Variants in TRMT9B observed in about 807,000 individuals in gnomAD.
TRMT9B encodes tRNA methyltransferase 9B (putative).
A neutral mutation model predicts 11.5 loss-of-function variants in TRMT9B; 16 were observed. The observed-to-expected ratio is 1.39, with a 90% CI of 0.94 to 2.11. TRMT9B has a LOEUF of 2.11. TRMT9B is among the 30% of genes most tolerant of loss of function. TRMT9B has a pLI of 0.00. For missense variants in TRMT9B, 941 were observed against 553.8 expected (o/e 1.70, Z -7.02); for synonymous variants, 274 against 192.4 (o/e 1.42, Z -3.51).
intron 1 of TRMT9B, among the ~76,000 whole-genome samples, chr8:12,966,806 C>T (rs542626794): frequency 2.6e-5 from 4 of 152,132 alleles, no homozygotes; most frequent in South Asian, 2.1e-4. Context: ...ACCTGAGCTT[C>T]GTAGGGTTTG....
intron 3 of TRMT9B, among the ~76,000 whole-genome samples, chr8:13,009,565 A>T (rs1229231859): frequency 3.9e-5 from 6 of 152,102 alleles, no homozygotes; most frequent in Non-Finnish European, 5.9e-5. Context: ...GATCTTTTTG[A>T]GATGTTTTAT....
rs891454307 is a variant in TRMT9B at position 13,024,875 on chromosome 8, G to A, written c.*2831G>A. 6.0e-6 allele frequency: 1 copy of A among 166,856 alleles called. No individual in the cohort carries two copies. Among genetic ancestry groups the A allele is most frequent in the Non-Finnish European group, 1.5e-5 (1 of 68,102 alleles). 10.3% of individuals were successfully genotyped at this position (166,856 alleles called of 1,614,324 possible). On this transcript the variant is annotated 3_prime_UTR_variant, in exon 5 of 5. Transcript: ENST00000524591. ...TCTCTTTGGGGTAGTCACATGGAAA[G>A]CTCTTTTAAATTTAACTTCCGCCTT... is the stretch of plus-strand genomic sequence containing the variant.
chr8:13,021,611 T>C lies in TRMT9B; in HGVS notation c.932T>C (p.Val311Ala). The C allele has an allele frequency of 1.9e-6, 3 of 1,613,794 alleles. No homozygotes were observed. Among genetic ancestry groups the C allele is most frequent in the Non-Finnish European group, 2.5e-6 (3 of 1,179,818 alleles). ...STKGQSLDEE[V>A]FVESSSGKHL... ...AAAGGGCAAAGTTTAGATGAGGAAG[T>C]GTTTGTGGAATCTTCTTCTGGAAAA... The change falls in exon 5 of 5, where the codon GTG becomes GCG. Residue 311 changes from valine (V) to alanine (A), a missense_variant. Coordinates refer to ENST00000524591, the MANE Select transcript of TRMT9B (RefSeq NM_020844.3).
intron 1 of TRMT9B, among the ~76,000 whole-genome samples, chr8:12,946,898 T>G (rs1800295817): frequency 6.6e-6 from 1 of 152,204 alleles, no homozygotes; most frequent in African/African-American, 2.4e-5. Flanking sequence ...GAGAAGGTCT[T>G]CCAGGTTTCA....
At chr8:12,989,962 C>T (rs1807035612) in intron 1 of TRMT9B, among the ~76,000 whole-genome samples, 1 of 152,158 alleles carries the variant, frequency 6.6e-6, no homozygotes, top group Non-Finnish European at 1.5e-5. Context: ...TTTTCCAAAG[C>T]ACATCCAGAT....
At position 13,021,322 on chromosome 8, in the gene TRMT9B, G is replaced by T. The variant is rs754772745; in HGVS notation, c.643G>T (p.Val215Leu). ...GTGTGGTTCAAAACGGTCCCACAGCGTGGGCTATGAACCTGCTATGGCAAG... is the reference window on the plus strand; with the variant it reads ...GTGTGGTTCAAAACGGTCCCACAGCTTGGGCTATGAACCTGCTATGGCAAG... ...EQCGSKRSHSVGYEPAMARTC... is the reference protein window; with the variant it reads ...EQCGSKRSHSLGYEPAMARTC... Residue 215 changes from valine (V) to leucine (L), a missense_variant, in exon 5 of 5, where the codon GTG (valine) becomes TTG (leucine). Val to Leu is a conservative substitution (Grantham distance 32). Coordinates refer to ENST00000524591, the MANE Select transcript of TRMT9B (RefSeq NM_020844.3). 7 of 1,613,908 alleles carry T rather than the reference G, an allele frequency of 4.3e-6. No homozygotes were observed. In the African/African-American group the frequency reaches 6.7e-5, roughly 15 times the overall value.
chr8:13,002,953 T>C lies in TRMT9B; in HGVS notation c.-1-3249T>C, dbSNP rs567971445. On this transcript the variant is annotated intron_variant, in intron 2 of 4. Coordinates refer to ENST00000524591, the MANE Select transcript of TRMT9B (RefSeq NM_020844.3). ...CCCTCCCTTCCCCAGCTCCTCAGGG[T>C]GATCACTCCCTCTGCTAACCAAAGC... is the stretch of plus-strand genomic sequence containing the variant. Among the ~76,000 whole-genome samples, 7 of 152,116 alleles carry C rather than the reference T, an allele frequency of 4.6e-5. No individual in the cohort carries two copies. In the South Asian group the frequency reaches 1.5e-3, roughly 32 times the overall value.
At chr8:13,013,935 G>C (rs1408305205) in intron 4 of TRMT9B, among the ~76,000 whole-genome samples, 1 of 152,110 alleles carries the variant, frequency 6.6e-6, no homozygotes, top group Non-Finnish European at 1.5e-5. Context: ...GATGACAAGA[G>C]TGAGACTCAT....
intron 4 of TRMT9B, among the ~76,000 whole-genome samples, chr8:13,013,693 C>T (rs529714128): frequency 6.6e-6 from 1 of 152,202 alleles, no homozygotes; most frequent in Non-Finnish European, 1.5e-5. Context: ...CGGCTCATGC[C>T]TGTAATCCCA....
chr8:12,992,852 G>A (rs1198023638), intron 2 of TRMT9B, among the ~76,000 whole-genome samples: 2 of 152,164 alleles, frequency 1.3e-5, no homozygotes, highest in African/African-American at 4.8e-5. Flanking sequence ...CTAGGAGACA[G>A]AGCAAGACTC....
intron 1 of TRMT9B, among the ~76,000 whole-genome samples, chr8:12,963,490 C>G (rs981816620): frequency 1.2e-4 from 19 of 152,062 alleles, no homozygotes; most frequent in African/African-American, 4.6e-4. Context: ...TGGCTCATGC[C>G]TGTAATCCTA....
chr8:12,950,301 A>C (rs953505211), intron 1 of TRMT9B, among the ~76,000 whole-genome samples: 7 of 152,112 alleles, frequency 4.6e-5, no homozygotes, highest in Admixed American at 3.3e-4. Flanking sequence ...TCTTTCAATC[A>C]CTGGACGAGT....
intron 1 of TRMT9B, among the ~76,000 whole-genome samples, chr8:12,987,631 G>A (rs1806553474): frequency 6.6e-6 from 1 of 152,096 alleles, no homozygotes; most frequent in Non-Finnish European, 1.5e-5. Flanking sequence ...GGTCAAGGCT[G>A]CAGTGAGCTA....
intron 3 of TRMT9B, chr8:13,011,223 T>G: frequency 1.3e-6 from 1 of 784,002 alleles, no homozygotes; most frequent in Non-Finnish European, 1.5e-6. Context: ...TGCCCTCAAG[T>G]GATCCGCCCA....
At chr8:13,007,500 T>G (rs963140909) in intron 3 of TRMT9B, 27 of 152,182 alleles carry the variant, frequency 1.8e-4, no homozygotes, top group African/African-American at 6.5e-4. Context: ...TTGATATTCT[T>G]TCTAAATACT....
chr8:12,969,478 A>T (rs1267607617), intron 1 of TRMT9B, among the ~76,000 whole-genome samples: 1 of 152,206 alleles, frequency 6.6e-6, no homozygotes, highest in Non-Finnish European at 1.5e-5. Flanking sequence ...ACTCTGTGAT[A>T]CAAAAGGGCA....
chr8:12,967,884 T>C (rs186505287), intron 1 of TRMT9B, among the ~76,000 whole-genome samples: 1 of 152,272 alleles, frequency 6.6e-6, no homozygotes, highest in East Asian at 1.9e-4. Context: ...AAGAGAACAG[T>C]CTTCTAATTT....
intron 4 of TRMT9B, among the ~76,000 whole-genome samples, chr8:13,013,431 T>C (rs1006130705): frequency 6.6e-6 from 1 of 152,092 alleles, no homozygotes; most frequent in African/African-American, 2.4e-5. Context: ...GTGTTTCTCA[T>C]ATCCTCCCAA....
intron 1 of TRMT9B, among the ~76,000 whole-genome samples, chr8:12,973,599 G>A (rs1479546176): frequency 6.6e-6 from 1 of 152,236 alleles, no homozygotes; most frequent in Non-Finnish European, 1.5e-5. Context: ...GCATTGGCTA[G>A]GATCTCATCT....
Sources: gnomAD v4.1 joint callset for allele counts (sites outside exome capture counted in the v4.1 genomes callset) on GRCh38, gnomAD v4.1.1 for gene constraint, MANE v1.5 for transcripts, NCBI Gene and HGNC (gene_info 2026-07-23, HGNC 2026-07-21) for gene names.